PLAC9: variants seen among roughly 807,000 people sequenced by gnomAD.
PLAC9 encodes the protein placenta-specific protein 9.
A neutral mutation model predicts 11.5 loss-of-function variants in PLAC9; 12 were observed. That is an observed-to-expected ratio of 1.05 (90% CI 0.67 to 1.69). The LOEUF (loss-of-function observed/expected upper bound fraction) is 1.69. Ranked by LOEUF, PLAC9 falls within the 40% of genes most tolerant of loss-of-function variation. The probability of loss-of-function intolerance (pLI) is 0.00; values close to 1 mark genes in which losing one functional copy is unlikely to be tolerated. For synonymous variants in PLAC9, 62 were observed against 58.1 expected (o/e 1.07, Z -0.31); for missense variants, 132 against 130.5 (o/e 1.01, Z -0.06).
intron 3 of PLAC9, 61 bp from the exon 4 acceptor site, chr10:80,144,833 GGCACCA>G: frequency 6.7e-7 from 1 of 1,483,112 alleles, no homozygotes. Context: ...GGAACTGCTG[GGCACCA>G]CGGGGGCAGG....
chr10:80,138,031 T>A (rs1250858715), intron 1 of PLAC9, among the ~76,000 whole-genome samples: 1 of 152,046 alleles, frequency 6.6e-6, no homozygotes, highest in Non-Finnish European at 1.5e-5. Flanking sequence ...CAGGGGCCTC[T>A]CTCTCTCTGA....
intron 1 of PLAC9, among the ~76,000 whole-genome samples, chr10:80,137,125 G>A (rs1384485245): frequency 6.6e-5 from 10 of 152,234 alleles, no homozygotes; most frequent in Non-Finnish European, 1.5e-4. Flanking sequence ...TGGAGGCCCC[G>A]ATGAGCTCAC....
intron 2 of PLAC9, 31 bp downstream of exon 2, chr10:80,142,210 T>C: frequency 2.6e-6 from 4 of 1,545,632 alleles, no homozygotes; most frequent in Non-Finnish European, 3.6e-6. Context: ...GACATGCGAG[T>C]TCAGGACCAC....
chr10:80,136,121 C>T (rs1362035970), intron 1 of PLAC9, among the ~76,000 whole-genome samples: 12 of 152,190 alleles, frequency 7.9e-5, no homozygotes, highest in Non-Finnish European at 1.5e-4. Context: ...CCAGGGGCCA[C>T]GTCTCTTTAA....
chr10:80,135,732 G>GT (rs1306401285), intron 1 of PLAC9, among the ~76,000 whole-genome samples: 3 of 152,108 alleles, frequency 2.0e-5, no homozygotes, highest in Non-Finnish European at 4.4e-5. Flanking sequence ...ATATTTTGGA[G>GT]TTTTTTATAA....
chr10:80,138,402 C>T (rs1239775014), intron 1 of PLAC9, among the ~76,000 whole-genome samples: 2 of 152,156 alleles, frequency 1.3e-5, no homozygotes, highest in Non-Finnish European at 2.9e-5. Context: ...TCCTCCCTCC[C>T]CAGATTCAGC....
chr10:80,144,076 C>A, intron 2 of PLAC9, 147 bp from the exon 3 acceptor site: 4 of 1,075,408 alleles, frequency 3.7e-6, no homozygotes, highest in South Asian at 1.4e-5. Flanking sequence ...AGGGGCAGAG[C>A]CTGAGTGAGG....
intron 2 of PLAC9, 55 bp downstream of exon 2, chr10:80,142,234 G>A: frequency 7.1e-7 from 1 of 1,410,350 alleles, no homozygotes; most frequent in Non-Finnish European, 9.9e-7. Flanking sequence ...CTAGGATGGT[G>A]TTTTTATGGG....
In PLAC9 at chr10:80,145,066, T is replaced by A; in HGVS notation, c.*156T>A. 1.0e-6 allele frequency: 1 copy of A among 959,388 alleles called. No individual in the cohort carries two copies. Among genetic ancestry groups the A allele is most frequent in the East Asian group, 2.6e-5 (1 of 38,212 alleles). 59.4% of individuals were successfully genotyped at this position (959,388 alleles called of 1,614,324 possible). A position where few individuals can be genotyped will look rare whatever the true frequency, so the allele number is the denominator to read the frequency against. ...CTGCTGACAGAGTAACCCGTTTAAC[T>A]ACAGCCTCCTCTCACTCCACTTCCA... On this transcript the variant is annotated 3_prime_UTR_variant, in exon 4 of 4. Transcript: ENST00000372263.
At chr10:80,140,740 G>A (rs1042417709) in intron 1 of PLAC9, among the ~76,000 whole-genome samples, 3 of 152,184 alleles carry the variant, frequency 2.0e-5, no homozygotes, top group African/African-American at 7.2e-5. Flanking sequence ...CACCATGTTA[G>A]CCAGGATGGT....
chr10:80,142,238 T>C, intron 2 of PLAC9, 59 bp downstream of exon 2: 1 of 1,395,662 alleles, frequency 7.2e-7, no homozygotes, highest in Non-Finnish European at 1.0e-6. Context: ...GATGGTGTTT[T>C]TATGGGCAGA....
In PLAC9 at chr10:80,145,292, CT is replaced by C. The variant is rs1845090556; in HGVS notation, c.*383del. 2.9e-6 allele frequency: 1 copy of C among 349,442 alleles called. No homozygotes were observed. Among genetic ancestry groups the C allele is most frequent in the African/African-American group, 2.2e-5 (1 of 45,972 alleles). 21.6% of individuals were successfully genotyped at this position (349,442 alleles called of 1,614,324 possible). ...CCCACCCAGACTGTTTAATCCAAATCTGCATTGCAATGAGACCCCCAGGGAT... is the reference window on the plus strand; with the variant it reads ...CCCACCCAGACTGTTTAATCCAAATCGCATTGCAATGAGACCCCCAGGGAT... On this transcript the variant is annotated 3_prime_UTR_variant, in exon 4 of 4. Transcript: ENST00000372263.
rs1274198237 is a variant in PLAC9 at position 80,145,046 on chromosome 10, G to A, written c.*136G>A. 1.5e-5 allele frequency: 17 copies of A among 1,166,978 alleles called. No homozygotes were observed. Among genetic ancestry groups the A allele is most frequent in the Non-Finnish European group, 2.0e-5 (16 of 800,736 alleles). The allele number at this position is 1,166,978 out of a possible 1,614,324, so 72.3% of individuals were successfully genotyped here. A position where few individuals can be genotyped will look rare whatever the true frequency, so the allele number is the denominator to read the frequency against. On this transcript the variant is annotated 3_prime_UTR_variant, in exon 4 of 4. Coordinates refer to ENST00000372263, the MANE Select transcript of PLAC9 (RefSeq NM_001012973.3). ...TATTCTGGTCTCCTCTGTGTCTGCT[G>A]ACAGAGTAACCCGTTTAACTACAGC...
intron 1 of PLAC9, among the ~76,000 whole-genome samples, chr10:80,140,831 A>G (rs1845031797): frequency 6.6e-6 from 1 of 152,018 alleles, no homozygotes; most frequent in African/African-American, 2.4e-5. Flanking sequence ...GCCTGGCTAA[A>G]ATTGCAATAT....
At chr10:80,132,848 G>A (rs1482556224) in intron 1 of PLAC9, 22 bp downstream of exon 1, 31 of 1,482,442 alleles carry the variant, frequency 2.1e-5, no homozygotes, top group East Asian at 2.8e-5. Flanking sequence ...GCAGGGCGCG[G>A]CAGGGGACCT....
chr10:80,141,217 G>A (rs1311146719), intron 1 of PLAC9, among the ~76,000 whole-genome samples: 1 of 152,156 alleles, frequency 6.6e-6, no homozygotes, highest in Non-Finnish European at 1.5e-5. Flanking sequence ...GATTGCTGCA[G>A]TAACCTCCTG....
intron 2 of PLAC9, 109 bp from the exon 3 acceptor site, chr10:80,144,114 C>G: frequency 6.6e-7 from 1 of 1,513,460 alleles, no homozygotes; most frequent in Admixed American, 1.7e-5. Flanking sequence ...GCGCCCAGTC[C>G]TTTCCCACTG....
At chr10:80,135,082 C>T (rs1413027943) in intron 1 of PLAC9, among the ~76,000 whole-genome samples, 7 of 151,910 alleles carry the variant, frequency 4.6e-5, no homozygotes, top group East Asian at 1.9e-4. Flanking sequence ...TGCAGTGGTG[C>T]GATCTCCGCT....
At chr10:80,135,321 C>CTTTTTTT (rs139336508) in intron 1 of PLAC9, among the ~76,000 whole-genome samples, 3 of 67,318 alleles carry the variant, frequency 4.5e-5, no homozygotes, top group Non-Finnish European at 7.6e-5. Flanking sequence ...TGCGCCCGGC[C>CTTTTTTT]TTTTTTTTTT....
Sources: allele counts gnomAD v4.1 joint callset (sites outside exome capture counted in the v4.1 genomes callset), GRCh38; gene constraint gnomAD v4.1.1; transcripts MANE v1.5; gene names NCBI Gene and HGNC (gene_info 2026-07-23, HGNC 2026-07-21).